Variants in SHC3 observed in about 807,000 individuals in gnomAD.
The protein encoded by SHC3 is SHC adaptor protein 3.
SHC3 carries 15 observed loss-of-function variants against 60.4 expected under a neutral mutation model. The ratio of observed to expected loss-of-function variants is 0.25; its 90% confidence interval spans 0.17 to 0.38. The LOEUF (loss-of-function observed/expected upper bound fraction) is 0.38. Among genes scored for constraint, SHC3 ranks in the 10% least tolerant of loss-of-function variants. The probability of loss-of-function intolerance (pLI) is 1.00; values close to 1 mark genes in which losing one functional copy is unlikely to be tolerated. For synonymous variants in SHC3, 294 were observed against 325.9 expected (o/e 0.90, Z 1.05); for missense variants, 677 against 786.1 (o/e 0.86, Z 1.66).
chr9:89,176,548 C>T (rs1397446147), intron 1 of SHC3, among the ~76,000 whole-genome samples: 1 of 152,212 alleles, frequency 6.6e-6, no homozygotes, highest in Admixed American at 6.5e-5. Flanking sequence ...CAGAAGTAAA[C>T]ACAACCTCAA....
intron 2 of SHC3, among the ~76,000 whole-genome samples, chr9:89,094,800 A>C (rs1825676111): frequency 1.3e-5 from 2 of 152,296 alleles, no homozygotes; most frequent in South Asian, 4.2e-4. Context: ...ACTCAAGAGG[A>C]GAGCCAATGT....
Position 89,045,771 on chromosome 9 carries a change from G to T in SHC3, c.1176C>A (p.Asp392Glu), listed in dbSNP as rs1427656497. Residue 392 changes from aspartate to glutamate, a missense_variant, in exon 9 of 12, where the codon GAC (aspartate) becomes GAA (glutamate). Asp to Glu is a conservative substitution (Grantham distance 45). Transcript: ENST00000375835. ...CTTGCCTTAAAGGTGTTTGCTGCCA[G>T]TCTTCGCCAAAAGTGTCTCCTAAGT... is the stretch of plus-strand genomic sequence containing the variant. ...GRHLGDTFGEDWQQTPLRQGS... is the reference protein window; with the variant it reads ...GRHLGDTFGEEWQQTPLRQGS... 5 of 1,614,006 alleles carry T rather than the reference G, an allele frequency of 3.1e-6. No homozygotes were observed. The highest frequency in any genetic ancestry group is 4.2e-6 in the Non-Finnish European group (5 of 1,180,042).
chr9:89,097,100 T>C (rs1402820894), intron 2 of SHC3, among the ~76,000 whole-genome samples: 1 of 96,254 alleles, frequency 1.0e-5, no homozygotes, highest in South Asian at 4.1e-4. Flanking sequence ...AGGTGCTCGC[T>C]CTCATGAAAA....
At chr9:89,031,965 G>A (rs1824499400) in intron 11 of SHC3, among the ~76,000 whole-genome samples, 1 of 152,164 alleles carries the variant, frequency 6.6e-6, no homozygotes, top group South Asian at 2.1e-4. Context: ...GCCATTGAGA[G>A]CCCACGAGTT....
intron 1 of SHC3, among the ~76,000 whole-genome samples, chr9:89,168,507 A>G (rs1034455665): frequency 8.5e-5 from 13 of 152,202 alleles, no homozygotes; most frequent in Non-Finnish European, 1.8e-4. Context: ...AGGAATAATA[A>G]TAACATCTGA....
At chr9:89,127,788 C>A (rs547864675) in intron 1 of SHC3, among the ~76,000 whole-genome samples, 4 of 152,076 alleles carry the variant, frequency 2.6e-5, no homozygotes, top group South Asian at 2.1e-4. Context: ...CACCCCCCCC[C>A]ACCACTGAGA....
chr9:89,051,744 G>T (rs1824865362), intron 7 of SHC3, among the ~76,000 whole-genome samples: 1 of 152,212 alleles, frequency 6.6e-6, no homozygotes, highest in Non-Finnish European at 1.5e-5. Flanking sequence ...TCACATGGCT[G>T]CAGAGGAAAC....
chr9:89,116,540 A>G (rs1216465456), intron 1 of SHC3, among the ~76,000 whole-genome samples: 1 of 152,178 alleles, frequency 6.6e-6, no homozygotes, highest in African/African-American at 2.4e-5. Flanking sequence ...CCAACACCCC[A>G]ACACCAAAAG....
chr9:89,068,623 G>T (rs1190103502), intron 5 of SHC3, among the ~76,000 whole-genome samples: 1 of 151,744 alleles, frequency 6.6e-6, no homozygotes, highest in African/African-American at 2.4e-5. Flanking sequence ...AAATATAAAA[G>T]GTTGTGGATT....
intron 11 of SHC3, among the ~76,000 whole-genome samples, chr9:89,027,885 G>A (rs1274129816): frequency 6.6e-6 from 1 of 152,204 alleles, no homozygotes; most frequent in Non-Finnish European, 1.5e-5. Flanking sequence ...CAGTGGGAAG[G>A]AGGGCAGCCA....
At chr9:89,173,065 C>T (rs547257841) in intron 1 of SHC3, among the ~76,000 whole-genome samples, 11 of 152,264 alleles carry the variant, frequency 7.2e-5, no homozygotes, top group Admixed American at 3.3e-4. Context: ...GCCAGGCCTC[C>T]AACCCATAGA....
At chr9:89,125,211 C>T (rs1202647219) in intron 1 of SHC3, among the ~76,000 whole-genome samples, 1 of 152,188 alleles carries the variant, frequency 6.6e-6, no homozygotes, top group Admixed American at 6.5e-5. Flanking sequence ...CTCCCACGAG[C>T]TTCCCAGGAA....
rs138035931 is a variant in SHC3 at position 89,068,062 on chromosome 9, C to T, written c.784-2482G>A. The stretch of plus-strand genomic sequence containing the variant: ...GGTCAATGGCCAAGCTTTTCTGATG[C>T]CAATATTGATCCTTTTCTGGCAGAG... On this transcript the variant is annotated intron_variant, in intron 5 of 11. Transcript: ENST00000375835. Among the ~76,000 whole-genome samples, 697 of 152,224 alleles carry T rather than the reference C, an allele frequency of 4.6e-3. 7 individuals are homozygous for T. Among genetic ancestry groups the T allele is most frequent in the African/African-American group, 0.015 (621 of 41,538 alleles).
intron 1 of SHC3, among the ~76,000 whole-genome samples, chr9:89,169,633 C>A (rs1313068542): frequency 6.6e-6 from 1 of 151,732 alleles, no homozygotes; most frequent in East Asian, 1.9e-4. Flanking sequence ...GGCAGGCCCA[C>A]ACAAGTCCAC....
intron 1 of SHC3, among the ~76,000 whole-genome samples, chr9:89,133,655 G>A (rs143623238): frequency 0.014 from 2,199 of 152,054 alleles, 24 homozygotes; most frequent in South Asian, 0.037. Flanking sequence ...GCAAACTATC[G>A]CAAGGACAGA....
At chr9:89,134,472 G>A (rs1321402574) in intron 1 of SHC3, among the ~76,000 whole-genome samples, 3 of 151,910 alleles carry the variant, frequency 2.0e-5, no homozygotes, top group Non-Finnish European at 4.4e-5. Flanking sequence ...ACTGAAAATT[G>A]TTAAGGGATT....
chr9:89,050,021 A>G (rs1460524610), intron 7 of SHC3, among the ~76,000 whole-genome samples: 1 of 152,222 alleles, frequency 6.6e-6, no homozygotes, highest in Admixed American at 6.5e-5. Context: ...TTTATCAATT[A>G]CATGCTTCCC....
At chr9:89,095,976 C>T (rs1423453927) in intron 2 of SHC3, among the ~76,000 whole-genome samples, 1 of 152,130 alleles carries the variant, frequency 6.6e-6, no homozygotes, top group African/African-American at 2.4e-5. Flanking sequence ...CTTAGCACTC[C>T]CTGTCCTCCG....
intron 2 of SHC3, chr9:89,109,444 G>C: frequency 1.0e-6 from 1 of 985,460 alleles, no homozygotes; most frequent in Non-Finnish European, 1.2e-6. Context: ...TCAGAGACAT[G>C]ATGGAGTGAA....
Sources: allele counts gnomAD v4.1 joint callset (sites outside exome capture counted in the v4.1 genomes callset), GRCh38; gene constraint gnomAD v4.1.1; transcripts MANE v1.5; gene names NCBI Gene and HGNC (gene_info 2026-07-23, HGNC 2026-07-21).